Variants in PRICKLE2 observed in about 807,000 individuals in gnomAD.
The protein encoded by PRICKLE2 is prickle planar cell polarity protein 2.
A neutral mutation model predicts 81.4 loss-of-function variants in PRICKLE2; 21 were observed. The observed-to-expected ratio is 0.26, with a 90% CI of 0.18 to 0.37. PRICKLE2 has a LOEUF of 0.37. Ranked by LOEUF, PRICKLE2 falls within the 10% of genes least tolerant of loss-of-function variation. The pLI is 1.00. For synonymous variants in PRICKLE2, 456 were observed against 421.5 expected (o/e 1.08, Z -1.00); for missense variants, 940 against 1,109.0 (o/e 0.85, Z 2.16).
chr3:64,132,227 A>G (rs1385360833), intron 7 of PRICKLE2, among the ~76,000 whole-genome samples: 1 of 152,040 alleles, frequency 6.6e-6, no homozygotes, highest in South Asian at 2.1e-4. Context: ...TTTCTTTGCA[A>G]CTTATCACAA....
intron 1 of PRICKLE2, among the ~76,000 whole-genome samples, chr3:64,201,833 T>C (rs1221479221): frequency 6.6e-6 from 1 of 152,226 alleles, no homozygotes; most frequent in East Asian, 1.9e-4. Flanking sequence ...CATAAAGATG[T>C]ATTCTTACAT....
In PRICKLE2 at chr3:64,163,004, C is replaced by G; in HGVS notation, c.258+12G>C. The G allele has an allele frequency of 6.4e-7, 1 of 1,569,708 alleles. No homozygotes were observed. The highest frequency in any genetic ancestry group is 8.8e-7 in the Non-Finnish European group (1 of 1,139,360). On this transcript the variant is annotated intron_variant, in intron 3 of 7. Coordinates refer to ENST00000638394, the MANE Select transcript of PRICKLE2 (RefSeq NM_198859.4). ...TAAGAAAATTCTGCATAAGCCCCCT[C>G]TAGCCCCTTACCTCATTGTCATGTG...
At chr3:64,205,174 T>C (rs1001176771) in intron 1 of PRICKLE2, among the ~76,000 whole-genome samples, 2 of 151,482 alleles carry the variant, frequency 1.3e-5, no homozygotes, top group Non-Finnish European at 2.9e-5. Context: ...CTGCACATAA[T>C]TGGGTTTGTG....
At chr3:64,197,166 G>C (rs2078470890) in intron 2 of PRICKLE2, among the ~76,000 whole-genome samples, 2 of 152,064 alleles carry the variant, frequency 1.3e-5, no homozygotes, top group South Asian at 4.2e-4. Flanking sequence ...GTCATTGATG[G>C]GCATTTAGGC....
At chr3:64,185,379 C>T (rs1368627081) in intron 2 of PRICKLE2, among the ~76,000 whole-genome samples, 2 of 152,320 alleles carry the variant, frequency 1.3e-5, no homozygotes, top group Admixed American at 1.3e-4. Context: ...AGTCAGTCCC[C>T]AAGCTAGATT....
chr3:64,157,821 A>T lies in PRICKLE2; in HGVS notation c.397-456T>A, dbSNP rs190862418. On this transcript the variant is annotated intron_variant, in intron 4 of 7. Coordinates refer to ENST00000638394, the MANE Select transcript of PRICKLE2 (RefSeq NM_198859.4). ...GGTGGGACCTATACTTTTATATGGG[A>T]GGGAGGGTGGATACATAACAGCACG... Among the ~76,000 whole-genome samples the T allele has an allele frequency of 2.4e-3, 363 of 152,196 alleles. 1 individual carries two copies. The highest frequency in any genetic ancestry group is 8.4e-3 in the African/African-American group (348 of 41,530).
intron 7 of PRICKLE2, among the ~76,000 whole-genome samples, chr3:64,104,081 T>C (rs1239432728): frequency 2.0e-5 from 3 of 152,246 alleles, no homozygotes; most frequent in African/African-American, 7.2e-5. Flanking sequence ...CAGCTAAATA[T>C]CATATACTCC....
At chr3:64,169,401 G>C (rs1167844956) in intron 2 of PRICKLE2, among the ~76,000 whole-genome samples, 1 of 152,156 alleles carries the variant, frequency 6.6e-6, no homozygotes, top group African/African-American at 2.4e-5. Context: ...CTGAACTTCT[G>C]AGTGAGAGAA....
At chr3:64,231,786 T>C (rs1253811708) in intron 2 of PRICKLE2, among the ~76,000 whole-genome samples, 5 of 152,184 alleles carry the variant, frequency 3.3e-5, no homozygotes, top group African/African-American at 1.2e-4. Flanking sequence ...ACCAAAAATG[T>C]AGCATTTATT....
intron 7 of PRICKLE2, among the ~76,000 whole-genome samples, chr3:64,134,560 C>G (rs1293050369): frequency 3.9e-5 from 6 of 152,106 alleles, no homozygotes; most frequent in Admixed American, 1.3e-4. Context: ...TGATCTCTAC[C>G]TACCAGACGC....
At chr3:64,121,080 G>A (rs1306958052) in intron 7 of PRICKLE2, among the ~76,000 whole-genome samples, 1 of 152,138 alleles carries the variant, frequency 6.6e-6, no homozygotes, top group Non-Finnish European at 1.5e-5. Flanking sequence ...GTTTGGCTGG[G>A]CTCCCCCTCT....
intron 2 of PRICKLE2, among the ~76,000 whole-genome samples, chr3:64,186,930 A>G (rs751621589): frequency 1.4e-4 from 22 of 152,198 alleles, no homozygotes; most frequent in Non-Finnish European, 2.9e-4. Context: ...GCAGCTGTGA[A>G]TTTATGCAGG....
rs2077485383 is a variant in PRICKLE2 at position 64,147,927 on chromosome 3, C to T, written c.788-225G>A. 6.6e-6 allele frequency among the ~76,000 whole-genome samples: 1 copy of T among 152,182 alleles called. No homozygotes were observed. Among genetic ancestry groups the T allele is most frequent in the Admixed American group, 6.5e-5 (1 of 15,272 alleles). On this transcript the variant is annotated intron_variant, in intron 6 of 7. Coordinates refer to ENST00000638394, the MANE Select transcript of PRICKLE2 (RefSeq NM_198859.4). This position sits in a 1 kb window ranked among gnomAD's most constrained non-coding sequence, Gnocchi z 5.0. ...AACTCATTTGCTCCAAGCACAAAGA[C>T]TCTAGGTTAAAATGGCTTGTCTATG...
chr3:64,109,915 G>C (rs1292825834), intron 7 of PRICKLE2, among the ~76,000 whole-genome samples: 3 of 152,188 alleles, frequency 2.0e-5, no homozygotes, highest in African/African-American at 7.2e-5. Flanking sequence ...CTTGAGTGTG[G>C]ATTGGAGGTT....
chr3:64,193,081 G>A (rs1419901227), intron 2 of PRICKLE2, among the ~76,000 whole-genome samples: 5 of 152,140 alleles, frequency 3.3e-5, no homozygotes, highest in Non-Finnish European at 7.3e-5. Flanking sequence ...CCTTAGAGAA[G>A]CTTACACATG....
intron 1 of PRICKLE2, among the ~76,000 whole-genome samples, chr3:64,218,377 C>T (rs1156601581): frequency 6.6e-6 from 1 of 152,216 alleles, no homozygotes; most frequent in East Asian, 1.9e-4. Flanking sequence ...ATTACACACA[C>T]ATTCACACAG....
intron 7 of PRICKLE2, among the ~76,000 whole-genome samples, chr3:64,144,211 C>T (rs538462354): frequency 6.6e-6 from 1 of 152,288 alleles, no homozygotes; most frequent in East Asian, 1.9e-4. Flanking sequence ...GACTGGCAGC[C>T]TGGTGTGATT....
rs773119653 is a variant in PRICKLE2, at chr3:64,094,957, A to G, written c.*4094T>C. On this transcript the variant is annotated 3_prime_UTR_variant, in exon 8 of 8. Coordinates refer to ENST00000638394, the MANE Select transcript of PRICKLE2 (RefSeq NM_198859.4). ...AACTGTCCTGGCATGAAGTATTCAG[A>G]TAACTGGTTCAGTTTTCCACTTTCC... 1.7e-4 allele frequency: 26 copies of G among 152,818 alleles called. No homozygotes were observed. The highest frequency in any genetic ancestry group is 2.4e-4 in the Non-Finnish European group (16 of 68,046). The allele number at this position is 152,818 out of a possible 1,614,324, so 9.5% of individuals were successfully genotyped here.
chr3:64,179,142 T>C (rs2078082675), intron 2 of PRICKLE2, among the ~76,000 whole-genome samples: 1 of 151,946 alleles, frequency 6.6e-6, no homozygotes, highest in Admixed American at 6.6e-5. Flanking sequence ...AATGGCACGA[T>C]CTCGGCTCAC....
Sources: allele counts gnomAD v4.1 joint callset (sites outside exome capture counted in the v4.1 genomes callset), GRCh38; gene constraint gnomAD v4.1.1; non-coding constraint Gnocchi (gnomAD v3.1); transcripts MANE v1.5; gene names NCBI Gene and HGNC (gene_info 2026-07-23, HGNC 2026-07-21).